The following NHSL1 variants were observed in gnomAD, a reference collection of about 807,000 sequenced individuals.
NHSL1 encodes the protein NHS like 1.
A neutral mutation model predicts 95.0 loss-of-function variants in NHSL1; 48 were observed. The observed-to-expected ratio is 0.51, with a 90% confidence interval of 0.40 to 0.64. The LOEUF is 0.64. Among genes scored for constraint, NHSL1 ranks in the 30% least tolerant of loss-of-function variants. NHSL1 has a pLI of 0.00. For missense variants in NHSL1, 1,971 were observed against 2,077.7 expected (o/e 0.95, Z 1.00); for synonymous variants, 783 against 833.9 (o/e 0.94, Z 1.05).
intron 1 of NHSL1, among the ~76,000 whole-genome samples, chr6:138,537,687 T>C (rs1562357013): frequency 6.6e-6 from 1 of 152,082 alleles, no homozygotes; most frequent in Non-Finnish European, 1.5e-5. Flanking sequence ...ACGGATAGAG[T>C]TGGGATTTCT....
At position 138,499,340 on chromosome 6, in the gene NHSL1, C is replaced by T; in HGVS notation, c.-50G>A. ...AGAAATGTAAATCACATTAAAAGCT[C>T]AGCCCAGTAGGCAGGTGGCAAGCTT... On this transcript the variant is annotated 5_prime_UTR_variant, in exon 1 of 8. It removes the in-frame stop codon of an upstream open reading frame in the 5' UTR. Transcript: ENST00000343505. The T allele has an allele frequency of 1.3e-6, 2 of 1,546,104 alleles. No individual in the cohort carries two copies. Among genetic ancestry groups the T allele is most frequent in the Non-Finnish European group, 8.7e-7 (1 of 1,144,064 alleles).
At chr6:138,479,584 TG>T (rs757718417) in intron 2 of NHSL1, among the ~76,000 whole-genome samples, 5 of 152,192 alleles carry the variant, frequency 3.3e-5, no homozygotes, top group African/African-American at 7.2e-5. Flanking sequence ...CTGCTCAGAA[TG>T]GCAAAAACTT....
intron 1 of NHSL1, among the ~76,000 whole-genome samples, chr6:138,524,405 C>T (rs1055091549): frequency 1.6e-4 from 24 of 152,172 alleles, no homozygotes; most frequent in African/African-American, 4.3e-4. Context: ...TAGCCCCATC[C>T]CCACACATAA....
chr6:138,572,247 G>C (rs1193121276), exon 1 of NHSL1: 11 of 201,892 alleles, frequency 5.4e-5, no homozygotes, highest in Non-Finnish European at 9.9e-5. Context: ...TACTTGTCAG[G>C]ACTTTGCAAA....
intron 1 of NHSL1, among the ~76,000 whole-genome samples, chr6:138,638,635 C>T (rs1288251931): frequency 6.6e-6 from 1 of 152,184 alleles, no homozygotes; most frequent in Non-Finnish European, 1.5e-5. Context: ...CTATTTAAAT[C>T]TGTTGAAAGC....
At chr6:138,553,993 GA>G (rs1246740082) in intron 1 of NHSL1, among the ~76,000 whole-genome samples, 1 of 152,138 alleles carries the variant, frequency 6.6e-6, no homozygotes, top group East Asian at 1.9e-4. Flanking sequence ...TCTTACAAAA[GA>G]ATTAACACCA....
intron 1 of NHSL1, among the ~76,000 whole-genome samples, chr6:138,614,988 G>T (rs1418522193): frequency 2.3e-5 from 3 of 128,556 alleles, no homozygotes. Context: ...GTGCCAAAAA[G>T]GTTGAGGACC....
At chr6:138,489,816 G>T (rs1461336684) in intron 2 of NHSL1, among the ~76,000 whole-genome samples, 1 of 103,000 alleles carries the variant, frequency 9.7e-6, no homozygotes, top group Non-Finnish European at 2.0e-5. Context: ...GAGGGAGAGA[G>T]GGAGAGAGGG....
At chr6:138,559,423 C>T (rs1004779157) in intron 1 of NHSL1, among the ~76,000 whole-genome samples, 7 of 152,212 alleles carry the variant, frequency 4.6e-5, no homozygotes, top group Middle Eastern at 3.2e-3. Context: ...TATACACCAA[C>T]GGGGTCCTGG....
intron 1 of NHSL1, among the ~76,000 whole-genome samples, chr6:138,613,580 AT>A (rs1784542078): frequency 6.6e-6 from 1 of 152,164 alleles, no homozygotes; most frequent in Non-Finnish European, 1.5e-5. Context: ...AACTGAACAA[AT>A]CCCCCATGGC....
At chr6:138,657,515 T>A (rs1785171048) in intron 1 of NHSL1, among the ~76,000 whole-genome samples, 1 of 151,712 alleles carries the variant, frequency 6.6e-6, no homozygotes, top group Non-Finnish European at 1.5e-5. Flanking sequence ...TAAATATAGG[T>A]AAGAAAAAAG....
At chr6:138,544,989 T>C (rs1344329859) in intron 1 of NHSL1, among the ~76,000 whole-genome samples, 12 of 127,990 alleles carry the variant, frequency 9.4e-5, no homozygotes, top group African/African-American at 2.1e-4. Flanking sequence ...TTTTCTTTTT[T>C]TTTTTTTTTT....
chr6:138,434,267 T>G (rs1775918146), intron 5 of NHSL1, among the ~76,000 whole-genome samples: 2 of 152,368 alleles, frequency 1.3e-5, no homozygotes, highest in South Asian at 4.1e-4. Flanking sequence ...AGCCATTATC[T>G]GTCTGTTGGT....
intron 3 of NHSL1, among the ~76,000 whole-genome samples, chr6:138,468,507 C>T (rs1778537206): frequency 6.6e-6 from 1 of 152,196 alleles, no homozygotes; most frequent in Non-Finnish European, 1.5e-5. Flanking sequence ...GCATTAGATT[C>T]TCATAGGAGC....
At chr6:138,545,296 T>A (rs1430561649) in intron 1 of NHSL1, among the ~76,000 whole-genome samples, 4 of 152,202 alleles carry the variant, frequency 2.6e-5, no homozygotes, top group African/African-American at 9.6e-5. Flanking sequence ...CTACTACTGC[T>A]GTAAACTATT....
chr6:138,429,983 T>C (rs1161011073), intron 6 of NHSL1, 140 bp from the exon 7 acceptor site: 12 of 829,300 alleles, frequency 1.4e-5, no homozygotes, highest in Middle Eastern at 3.6e-4. Context: ...TGTAGTTTGA[T>C]AGTTTACAAA....
At chr6:138,683,579 G>A (rs1338992288) in intron 1 of NHSL1, among the ~76,000 whole-genome samples, 1 of 152,224 alleles carries the variant, frequency 6.6e-6, no homozygotes, top group East Asian at 1.9e-4. Flanking sequence ...AAGCCTTCTT[G>A]TTTTTTCCTC....
At chr6:138,585,889 A>C (rs1052578189) in intron 1 of NHSL1, among the ~76,000 whole-genome samples, 2 of 151,746 alleles carry the variant, frequency 1.3e-5, no homozygotes, top group African/African-American at 4.8e-5. Flanking sequence ...CAAAAAAAAA[A>C]AAAACTTAAA....
At chr6:138,570,916 T>C (rs1783816899) in intron 1 of NHSL1, among the ~76,000 whole-genome samples, 1 of 152,252 alleles carries the variant, frequency 6.6e-6, no homozygotes, top group Non-Finnish European at 1.5e-5. Context: ...GGAGAAACCA[T>C]TTTAGAGCTT....
Sources: allele counts gnomAD v4.1 joint callset (sites outside exome capture counted in the v4.1 genomes callset), GRCh38; gene constraint gnomAD v4.1.1; transcripts MANE v1.5; gene names NCBI Gene and HGNC (gene_info 2026-07-23, HGNC 2026-07-21).